The following RHBDD1 variants were observed in gnomAD, a reference collection of about 807,000 sequenced individuals.
The protein encoded by RHBDD1 is rhomboid domain containing 1, also known as rhomboid-related protein 4.
RHBDD1 carries 38 observed loss-of-function variants against 36.3 expected under a neutral mutation model. The ratio of observed to expected loss-of-function variants is 1.05; its 90% CI spans 0.81 to 1.37. The LOEUF (loss-of-function observed/expected upper bound fraction) is 1.37, where lower values mean the gene tolerates loss of function less well. RHBDD1 is among the 40% of genes most tolerant of loss of function. The probability of loss-of-function intolerance (pLI) is 0.00; values close to 1 mark genes in which losing one functional copy is unlikely to be tolerated. For synonymous variants in RHBDD1, 151 were observed against 136.5 expected, an observed-to-expected ratio of 1.11 and a Z score of -0.74; for missense variants, 393 against 377.6, an observed-to-expected ratio of 1.04 and a Z score of -0.34.
chr2:226,939,213 T>G (rs920636574), intron 8 of RHBDD1, among the ~76,000 whole-genome samples: 2 of 152,160 alleles, frequency 1.3e-5, no homozygotes, highest in Non-Finnish European at 2.9e-5. Flanking sequence ...CTTTGAAAAC[T>G]GGCACAAGAC....
At chr2:226,877,226 A>C (rs1318054129) in intron 5 of RHBDD1, among the ~76,000 whole-genome samples, 1 of 152,216 alleles carries the variant, frequency 6.6e-6, no homozygotes, top group African/African-American at 2.4e-5. Flanking sequence ...ATCTGTCTTG[A>C]AGTTTGAATA....
chr2:226,985,567 T>A (rs1397832486), intron 8 of RHBDD1, among the ~76,000 whole-genome samples: 1 of 152,234 alleles, frequency 6.6e-6, no homozygotes, highest in Non-Finnish European at 1.5e-5. Context: ...GTGGATATGT[T>A]CAGTTGCAAG....
intron 8 of RHBDD1, among the ~76,000 whole-genome samples, chr2:226,989,576 C>T (rs1957722066): frequency 6.6e-6 from 1 of 152,164 alleles, no homozygotes; most frequent in South Asian, 2.1e-4. Flanking sequence ...GCAATTGTCC[C>T]ACAAATATTC....
intron 3 of RHBDD1, among the ~76,000 whole-genome samples, chr2:226,862,339 T>C (rs990711998): frequency 8.6e-5 from 13 of 151,126 alleles, no homozygotes; most frequent in African/African-American, 2.9e-4. Context: ...AGCTAGAAGA[T>C]AGGAGAATCC....
intron 3 of RHBDD1, among the ~76,000 whole-genome samples, chr2:226,842,377 T>C (rs1243300349): frequency 6.6e-6 from 1 of 152,150 alleles, no homozygotes; most frequent in East Asian, 1.9e-4. Context: ...ACCTATGTCC[T>C]GAATGGTATT....
chr2:226,929,290 C>G (rs34151619), intron 8 of RHBDD1, among the ~76,000 whole-genome samples: 3,112 of 151,952 alleles, frequency 0.02, 37 homozygotes, highest in Non-Finnish European at 0.033. Flanking sequence ...CACATCCAAA[C>G]AATAATTTAC....
intron 3 of RHBDD1, among the ~76,000 whole-genome samples, chr2:226,857,570 T>A (rs1010398740): frequency 4.6e-5 from 7 of 152,142 alleles, no homozygotes; most frequent in African/African-American, 1.7e-4. Context: ...TGTGGTATAT[T>A]CATACAATAA....
At chr2:226,810,905 A>T in the RHBDD1 span, 4 of 152,302 alleles carry the variant, frequency 2.6e-5, no homozygotes, top group East Asian at 7.7e-4. Context: ...TGTACAATTT[A>T]TTATAGGTCA....
At chr2:226,812,633 T>TTC in the RHBDD1 span, among the ~76,000 whole-genome samples, 248 of 150,230 alleles carry the variant, frequency 1.7e-3, 1 homozygote, top group African/African-American at 5.6e-3. Flanking sequence ...ATCATAGATG[T>TTC]TCTCTCTCTC....
Position 226,981,582 on chromosome 2 carries a change from A to ACACG in RHBDD1, c.857-13846_857-13845insGCAC, listed in dbSNP as rs1955774281. Among the ~76,000 whole-genome samples the ACACG allele has an allele frequency of 2.0e-5, 3 of 151,678 alleles. No individual in the cohort carries two copies. The South Asian group carries it at 6.3e-4, about 32-fold the overall frequency. On this transcript the variant is annotated intron_variant, in intron 8 of 8. Transcript: ENST00000392062. ...CATGCACACACATACACACACACACACACACTTTCTCTAATGGGGAACAAG... is the reference window on the plus strand; with the variant it reads ...CATGCACACACATACACACACACACACACGCACACTTTCTCTAATGGGGAACAAG...
intron 8 of RHBDD1, among the ~76,000 whole-genome samples, chr2:226,957,212 A>G (rs1396324386): frequency 1.3e-5 from 2 of 152,224 alleles, no homozygotes; most frequent in South Asian, 2.1e-4. Context: ...ATGGCTTGCT[A>G]CTACTGACAG....
intron 5 of RHBDD1, among the ~76,000 whole-genome samples, chr2:226,903,067 AGTT>A (rs1270034985): frequency 6.6e-6 from 1 of 152,140 alleles, no homozygotes; most frequent in East Asian, 1.9e-4. Flanking sequence ...TCTAAATTGA[AGTT>A]ATTATTATTT....
intron 8 of RHBDD1, among the ~76,000 whole-genome samples, chr2:226,943,867 A>C (rs1575186350): frequency 1.3e-5 from 2 of 152,106 alleles, no homozygotes; most frequent in East Asian, 3.8e-4. Flanking sequence ...TTATTTGCTC[A>C]TTGTTATTTT....
the RHBDD1 span, among the ~76,000 whole-genome samples, chr2:226,816,727 C>G: frequency 6.6e-6 from 1 of 152,112 alleles, no homozygotes; most frequent in African/African-American, 2.4e-5. Context: ...AAAACCCTGT[C>G]TCTACTAAAA....
intron 8 of RHBDD1, among the ~76,000 whole-genome samples, chr2:226,926,354 A>C (rs942448152): frequency 5.3e-5 from 8 of 152,194 alleles, no homozygotes; most frequent in African/African-American, 1.7e-4. Context: ...TAATTTTCTC[A>C]AAGAGTATGT....
chr2:226,897,046 AC>A (rs1947154045), intron 5 of RHBDD1, among the ~76,000 whole-genome samples: 1 of 152,024 alleles, frequency 6.6e-6, no homozygotes, highest in African/African-American at 2.4e-5. Flanking sequence ...CAGGTAATCC[AC>A]CTGCCTCGGC....
At chr2:226,809,630 AGAGG>A in the RHBDD1 span, among the ~76,000 whole-genome samples, 4 of 151,972 alleles carry the variant, frequency 2.6e-5, no homozygotes, top group Non-Finnish European at 5.9e-5. Context: ...TTTGAGAAAG[AGAGG>A]GAGAGAGAGA....
At chr2:226,914,144 A>G (rs1423669581) in intron 7 of RHBDD1, 64 bp from the exon 8 acceptor site, 1 of 1,477,320 alleles carries the variant, frequency 6.8e-7, no homozygotes, top group East Asian at 2.3e-5. Context: ...TTGCTTATAC[A>G]AAACAGGAAG....
chr2:226,928,139 G>A (rs1949788774), intron 8 of RHBDD1, among the ~76,000 whole-genome samples: 1 of 152,010 alleles, frequency 6.6e-6, no homozygotes, highest in African/African-American at 2.4e-5. Context: ...ATGAACCAAA[G>A]TTTGTTTTTT....
Sources: allele counts gnomAD v4.1 joint callset (sites outside exome capture counted in the v4.1 genomes callset), GRCh38; gene constraint gnomAD v4.1.1; transcripts MANE v1.5; gene names NCBI Gene and HGNC (gene_info 2026-07-23, HGNC 2026-07-21).